Variants in SLC39A14 observed in about 807,000 individuals in gnomAD.
SLC39A14 encodes the protein metal cation symporter ZIP14.
In SLC39A14, 19 loss-of-function variants were observed where a neutral mutation model predicts 45.5. That is an observed-to-expected ratio of 0.42 (90% confidence interval 0.29 to 0.61). The LOEUF (loss-of-function observed/expected upper bound fraction) is 0.61, where lower values mean the gene tolerates loss of function less well. Ranked by LOEUF, SLC39A14 falls within the 20% of genes least tolerant of loss-of-function variation. SLC39A14 has a pLI of 0.22. For synonymous variants in SLC39A14, 264 were observed against 251.3 expected (o/e 1.05, Z -0.48); for missense variants, 447 against 616.5 (o/e 0.73, Z 2.91).
At chr8:22,385,163 CG>C (rs1345130068) in intron 1 of SLC39A14, among the ~76,000 whole-genome samples, 1 of 152,198 alleles carries the variant, frequency 6.6e-6, no homozygotes, top group Non-Finnish European at 1.5e-5. Flanking sequence ...TCTTCAGTTC[CG>C]TTGAAACAAC....
intron 1 of SLC39A14, among the ~76,000 whole-genome samples, chr8:22,402,545 G>A (rs1263759190): frequency 6.6e-6 from 1 of 152,128 alleles, no homozygotes; most frequent in Non-Finnish European, 1.5e-5. Context: ...CGAGGCAGGA[G>A]GATCATCTGA....
chr8:22,423,449 C>T (rs1836322319), downstream of SLC39A14, among the ~76,000 whole-genome samples: 1 of 151,962 alleles, frequency 6.6e-6, no homozygotes, highest in Non-Finnish European at 1.5e-5. Flanking sequence ...CATTCTCCTG[C>T]TTCAGCCTCC....
intron 1 of SLC39A14, among the ~76,000 whole-genome samples, chr8:22,387,927 G>A (rs921056381): frequency 6.6e-6 from 1 of 152,180 alleles, no homozygotes; most frequent in African/African-American, 2.4e-5. Flanking sequence ...GAGAAACCCC[G>A]TCTCTACTAA....
intron 8 of SLC39A14, among the ~76,000 whole-genome samples, chr8:22,433,278 A>G (rs1836495419): frequency 6.6e-6 from 1 of 152,144 alleles, no homozygotes; most frequent in Non-Finnish European, 1.5e-5. Context: ...CATATCCTTA[A>G]CACAGTGCCT....
chr8:22,415,809 C>T lies in SLC39A14; in HGVS notation c.791C>T (p.Pro264Leu). ...AGCCATTATGCCTCTGAGTCGCTTC[C>T]CTCCAAGAAGGACCAGGAGGAGGGG... The part of the protein sequence containing the change: ...GHSHYASESL[P>L]SKKDQEEGVM... The change falls in exon 6 of 9, where the codon CCC (proline) becomes CTC (leucine). Residue 264 changes from proline to leucine, a missense_variant. Transcript: ENST00000381237. 6.2e-7 allele frequency: 1 copy of T among 1,613,154 alleles called. No homozygotes were observed. Among genetic ancestry groups the T allele is most frequent in the Non-Finnish European group, 8.5e-7 (1 of 1,179,812 alleles).
chr8:22,425,894 T>A (rs566755147), downstream of SLC39A14, among the ~76,000 whole-genome samples: 4 of 135,914 alleles, frequency 2.9e-5, no homozygotes, highest in African/African-American at 1.0e-4. Flanking sequence ...TTTTTGTTTT[T>A]TTTTTGTTTT....
rs1461446113 is a variant in SLC39A14, at chr8:22,420,154, C to T, written c.*456C>T. The T allele has an allele frequency of 4.1e-6, 4 of 986,418 alleles. No individual in the cohort carries two copies. The highest frequency in any genetic ancestry group is 3.6e-6 in the Non-Finnish European group (3 of 830,722). 61.1% of individuals were successfully genotyped at this position (986,418 alleles called of 1,614,324 possible). On this transcript the variant is annotated 3_prime_UTR_variant, in exon 9 of 9. Coordinates refer to ENST00000381237, the MANE Select transcript of SLC39A14 (RefSeq NM_001128431.4). ...CTGGGCACCTTGGACCTCCAGCTGG[C>T]CAATAGAAGAGACAGGAGACAGGAA...
chr8:22,403,067 G>A (rs1834976795), intron 1 of SLC39A14, among the ~76,000 whole-genome samples: 1 of 150,938 alleles, frequency 6.6e-6, no homozygotes, highest in East Asian at 2.0e-4. Flanking sequence ...GGCTCTGCCT[G>A]CAGGGTTCAC....
chr8:22,396,104 C>T (rs1209449265), intron 1 of SLC39A14, among the ~76,000 whole-genome samples: 9 of 151,976 alleles, frequency 5.9e-5, no homozygotes, highest in Admixed American at 2.6e-4. Flanking sequence ...CAGTGGTTTC[C>T]GCCTGTAATC....
rs1836258513 is a variant in SLC39A14, at chr8:22,422,064, C to T, written c.*2366C>T. On this transcript the variant is annotated 3_prime_UTR_variant, in exon 9 of 9. Transcript: ENST00000381237. ...CTTTGCCTCATGAGTCAAAAATTGG[C>T]AATTTCTTTTGATTTTTAGTTGTTG... 1 of 985,260 alleles carries T rather than the reference C, an allele frequency of 1.0e-6. No individual in the cohort carries two copies. Among genetic ancestry groups the T allele is most frequent in the African/African-American group, 1.7e-5 (1 of 57,202 alleles). 61.0% of individuals were successfully genotyped at this position (985,260 alleles called of 1,614,324 possible). A position where few individuals can be genotyped will look rare whatever the true frequency, so the allele number is the denominator to read the frequency against.
chr8:22,432,190 A>C (rs1290398669), intron 8 of SLC39A14, among the ~76,000 whole-genome samples: 1 of 151,986 alleles, frequency 6.6e-6, no homozygotes, highest in Non-Finnish European at 1.5e-5. Flanking sequence ...AAATAGCTGG[A>C]CATGGCAGTG....
intron 1 of SLC39A14, among the ~76,000 whole-genome samples, chr8:22,377,374 C>G (rs1365769619): frequency 6.6e-6 from 1 of 152,102 alleles, no homozygotes; most frequent in Non-Finnish European, 1.5e-5. Flanking sequence ...AGGCACTTCT[C>G]CACGGAGTCC....
chr8:22,381,732 AC>A, intron 1 of SLC39A14, among the ~76,000 whole-genome samples: 1 of 152,238 alleles, frequency 6.6e-6, no homozygotes. Flanking sequence ...ATACCAGTTA[AC>A]AAAATTAAAA....
At position 22,368,183 on chromosome 8, in the gene SLC39A14, T is replaced by C. The variant is rs561395836; in HGVS notation, c.-16+775T>C. Among the ~76,000 whole-genome samples, 17 of 152,212 alleles carry C rather than the reference T, an allele frequency of 1.1e-4. No homozygotes were observed. The East Asian group carries it at 1.7e-3, about 16-fold the overall frequency. On this transcript the variant is annotated intron_variant, in intron 1 of 8. Coordinates refer to ENST00000381237, the MANE Select transcript of SLC39A14 (RefSeq NM_001128431.4). ...CTGTACAGGAGGACTCCGGACACAATTGGGGAGTGGCTAAGTGCTCTCTTG... is the reference window on the plus strand; with the variant it reads ...CTGTACAGGAGGACTCCGGACACAACTGGGGAGTGGCTAAGTGCTCTCTTG...
rs186056363 is a variant in SLC39A14, at chr8:22,405,205, G to A, written c.270+225G>A. 1.8e-4 allele frequency among the ~76,000 whole-genome samples: 28 copies of A among 152,322 alleles called. 1 individual carries two copies. In the East Asian group the frequency reaches 4.4e-3, roughly 24 times the overall value. ...TTCTGACCCCCTGCATAGGTGTTCT[G>A]AAGCCCTTAACAAAAGGCAGCCTGG... On this transcript the variant is annotated intron_variant, in intron 2 of 8. Transcript: ENST00000381237.
At chr8:22,369,267 G>A (rs1395466411) in intron 1 of SLC39A14, among the ~76,000 whole-genome samples, 1 of 152,208 alleles carries the variant, frequency 6.6e-6, no homozygotes. Flanking sequence ...GGCCTCTGGG[G>A]CCTTGAGGGA....
Position 22,422,173 on chromosome 8 carries a change from G to T in SLC39A14, c.*2475G>T. On this transcript the variant is annotated 3_prime_UTR_variant, in exon 9 of 9. Coordinates refer to ENST00000381237, the MANE Select transcript of SLC39A14 (RefSeq NM_001128431.4). Reference sequence around the variant, plus strand: ...GAGGACTTTTTCACCCCTGGCATTAGCAGCTTCGACCTCATTTTCCAGATG... The same window carrying T: ...GAGGACTTTTTCACCCCTGGCATTATCAGCTTCGACCTCATTTTCCAGATG... 3.0e-6 allele frequency: 3 copies of T among 985,404 alleles called. No individual in the cohort carries two copies. The highest frequency in any genetic ancestry group is 3.6e-6 in the Non-Finnish European group (3 of 829,916). The allele number at this position is 985,404 out of a possible 1,614,324, so 61.0% of individuals were successfully genotyped here. A position where few individuals can be genotyped will look rare whatever the true frequency, so the allele number is the denominator to read the frequency against.
intron 4 of SLC39A14, 139 bp from the exon 5 acceptor site, chr8:22,414,641 G>C (rs1835767132): frequency 2.3e-6 from 2 of 853,224 alleles, no homozygotes; most frequent in Admixed American, 3.0e-5. Context: ...TTGCTGGAAA[G>C]AGGATGGGTA....
intron 1 of SLC39A14, among the ~76,000 whole-genome samples, chr8:22,376,528 G>C (rs777564249): frequency 1.4e-4 from 22 of 151,756 alleles, no homozygotes; most frequent in Non-Finnish European, 2.8e-4. Context: ...AGATTGGCTG[G>C]TGTCTGCTTG....
Sources: gnomAD v4.1 joint callset for allele counts (sites outside exome capture counted in the v4.1 genomes callset) on GRCh38, gnomAD v4.1.1 for gene constraint, MANE v1.5 for transcripts, NCBI Gene and HGNC (gene_info 2026-07-23, HGNC 2026-07-21) for gene names.